Variants in ARL8A observed in about 807,000 individuals in gnomAD.
ARL8A encodes the protein ARF like GTPase 8A.
In ARL8A, 10 loss-of-function variants were observed where a neutral mutation model predicts 31.2. The observed-to-expected ratio is 0.32, with a 90% CI of 0.20 to 0.54. ARL8A has a LOEUF of 0.54. Among genes scored for constraint, ARL8A ranks in the 20% least tolerant of loss-of-function variants. The pLI is 0.93. For synonymous variants in ARL8A, 70 were observed against 86.9 expected, an observed-to-expected ratio of 0.81 and a Z score of 1.08; for missense variants, 129 against 242.8, an observed-to-expected ratio of 0.53 and a Z score of 3.12.
At position 202,138,136 on chromosome 1, in the gene ARL8A, C is replaced by A. The variant is rs956393828; in HGVS notation, c.205-98G>T. The stretch of plus-strand genomic sequence containing the variant: ...CCCTCCTACCCTGCCCTACTCTCCT[C>A]TGCCTCCCCGGCTTCCTCTCCAGTT... On this transcript the variant is annotated intron_variant, in intron 2 of 6. Coordinates refer to ENST00000272217, the MANE Select transcript of ARL8A (RefSeq NM_138795.4). The surrounding 1 kb of genome is among the most constrained non-coding windows in gnomAD (Gnocchi z 4.4). 3.5e-6 allele frequency: 5 copies of A among 1,409,116 alleles called. No individual in the cohort carries two copies. The highest frequency in any genetic ancestry group is 5.0e-6 in the Non-Finnish European group (5 of 1,009,688). 87.3% of individuals were successfully genotyped at this position (1,409,116 alleles called of 1,614,324 possible).
At position 202,135,140 on chromosome 1, in the gene ARL8A, T is replaced by A. The variant is rs775197534; in HGVS notation, c.511+10A>T. 1.2e-6 allele frequency: 2 copies of A among 1,612,380 alleles called. No homozygotes were observed. Among genetic ancestry groups the A allele is most frequent in the South Asian group, 1.1e-5 (1 of 91,026 alleles). On this transcript the variant is annotated intron_variant, in intron 6 of 6. Transcript: ENST00000272217. This position sits in a 1 kb window ranked among gnomAD's most constrained non-coding sequence, Gnocchi z 5.3. ...TCTCCCCTCTCCTCCCTTTCCCCCA[T>A]CCTACGCACCAATGTTGTCCTTTTC...
In ARL8A at chr1:202,135,337, T is replaced by C. The variant is rs1191208567; in HGVS notation, c.441-117A>G. 1 of 1,464,092 alleles carries C rather than the reference T, an allele frequency of 6.8e-7. No homozygotes were observed. The allele number at this position is 1,464,092 out of a possible 1,614,324, so 90.7% of individuals were successfully genotyped here. On this transcript the variant is annotated intron_variant, in intron 5 of 6. Transcript: ENST00000272217. This position sits in a 1 kb window ranked among gnomAD's most constrained non-coding sequence, Gnocchi z 5.3. The stretch of plus-strand genomic sequence containing the variant: ...GCTACAAAGGGGAGGGTGAGGTGCC[T>C]GAAAAGGTCGGCTCTGCTGCCACCG...
Position 202,135,811 on chromosome 1 carries a change from A to T in ARL8A, c.279-11T>A. The stretch of plus-strand genomic sequence containing the variant: ...GCATCCACCATGTACCTGGGGAAAG[A>T]GGCAGGGTGGGGACAAGCATGTTGA... On this transcript the variant is annotated splice_polypyrimidine_tract_variant and intron_variant, in intron 3 of 6. Transcript: ENST00000272217. The surrounding 1 kb of genome is among the most constrained non-coding windows in gnomAD (Gnocchi z 5.3). The T allele has an allele frequency of 6.2e-7, 1 of 1,610,624 alleles. No individual in the cohort carries two copies. The highest frequency in any genetic ancestry group is 8.5e-7 in the Non-Finnish European group (1 of 1,176,824).
rs202180765 is a variant in ARL8A at position 202,138,348 on chromosome 1, C to G, written c.204+20G>C. The G allele has an allele frequency of 5.0e-6, 8 of 1,607,464 alleles. No individual in the cohort carries two copies. The Admixed American group carries it at 8.3e-5, about 17-fold the overall frequency. On this transcript the variant is annotated intron_variant, in intron 2 of 6. Transcript: ENST00000272217. This position sits in a 1 kb window ranked among gnomAD's most constrained non-coding sequence, Gnocchi z 4.4. Reference sequence around the variant, plus strand: ...ACACAAAAACAGTCCTCTGCACCCCCCAAGCTTCTGGGCCCTCACCTTGAT... The same window carrying G: ...ACACAAAAACAGTCCTCTGCACCCCGCAAGCTTCTGGGCCCTCACCTTGAT...
Position 202,135,609 on chromosome 1 carries a change from G to A in ARL8A, c.373-83C>T, listed in dbSNP as rs974353478. The stretch of plus-strand genomic sequence containing the variant: ...GTGGTGAGCTGGCCTCCTGGGTCCC[G>A]TTTCCTCTCTGCGCCCCTACCATGC... On this transcript the variant is annotated intron_variant, in intron 4 of 6. Transcript: ENST00000272217. The surrounding 1 kb of genome is among the most constrained non-coding windows in gnomAD (Gnocchi z 5.3). 1.2e-5 allele frequency: 19 copies of A among 1,578,316 alleles called. No individual in the cohort carries two copies. In the East Asian group the frequency reaches 2.9e-4, roughly 24 times the overall value.
intron 1 of ARL8A, among the ~76,000 whole-genome samples, chr1:202,140,849 T>C (rs191898606): frequency 2.0e-5 from 3 of 152,308 alleles, no homozygotes; most frequent in African/African-American, 7.2e-5. Context: ...CCAGTTCTTG[T>C]TTGTCTCTCA....
In ARL8A at chr1:202,137,594, C is replaced by T. The variant is rs549614565; in HGVS notation, c.278+371G>A. 1.5e-3 allele frequency among the ~76,000 whole-genome samples: 222 copies of T among 150,852 alleles called. 2 individuals carry two copies. Among genetic ancestry groups the T allele is most frequent in the Non-Finnish European group, 2.7e-3 (182 of 67,860 alleles). ...GGTGAGCCGAGATCGCACCATTGCACGCCAGCCTGGGCAACAAGAGCGAAA... is the reference window on the plus strand; with the variant it reads ...GGTGAGCCGAGATCGCACCATTGCATGCCAGCCTGGGCAACAAGAGCGAAA... On this transcript the variant is annotated intron_variant, in intron 3 of 6. Coordinates refer to ENST00000272217, the MANE Select transcript of ARL8A (RefSeq NM_138795.4).
chr1:202,138,314 C>A lies in ARL8A; in HGVS notation c.204+54G>T. 1 of 1,541,900 alleles carries A rather than the reference C, an allele frequency of 6.5e-7. No homozygotes were observed. The highest frequency in any genetic ancestry group is 9.0e-7 in the Non-Finnish European group (1 of 1,115,730). On this transcript the variant is annotated intron_variant, in intron 2 of 6. Coordinates refer to ENST00000272217, the MANE Select transcript of ARL8A (RefSeq NM_138795.4). The surrounding 1 kb of genome is among the most constrained non-coding windows in gnomAD (Gnocchi z 4.4). ...TCCCCAACACACACACACACACACA[C>A]ACACACACACACAAAAACAGTCCTC...
chr1:202,141,938 A>T (rs111812887), intron 1 of ARL8A, among the ~76,000 whole-genome samples: 10,272 of 151,408 alleles, frequency 0.068, 432 homozygotes, highest in East Asian at 0.17. Flanking sequence ...CACGATCTTA[A>T]CTCACTGCAG....
Position 202,138,121 on chromosome 1 carries a change from C to CAAA in ARL8A, c.205-84_205-83insTTT, listed in dbSNP as rs1352538625. ...TGGGTCTCAAATGCCCCCTCCTACC[C>CAAA]TGCCCTACTCTCCTCTGCCTCCCCG... On this transcript the variant is annotated intron_variant, in intron 2 of 6. Transcript: ENST00000272217. The surrounding 1 kb of genome is among the most constrained non-coding windows in gnomAD (Gnocchi z 4.4). 20 of 1,484,254 alleles carry CAAA rather than the reference C, an allele frequency of 1.3e-5. No individual in the cohort carries two copies. In the Admixed American group the frequency reaches 3.1e-4, roughly 23 times the overall value. The allele number at this position is 1,484,254 out of a possible 1,614,324, so 91.9% of individuals were successfully genotyped here.
Position 202,134,276 on chromosome 1 carries a change from G to A in ARL8A, c.*191C>T. The A allele has an allele frequency of 3.5e-6, 2 of 575,120 alleles. No homozygotes were observed. The highest frequency in any genetic ancestry group is 6.2e-6 in the Non-Finnish European group (2 of 322,520). 35.6% of individuals were successfully genotyped at this position (575,120 alleles called of 1,614,324 possible). ...GGGTGAGAAGTTAGGGGACCAGAAT[G>A]GGGGGCAATTTATTTTACAATAAAA... On this transcript the variant is annotated 3_prime_UTR_variant, in exon 7 of 7. Transcript: ENST00000272217. The surrounding 1 kb of genome is among the most constrained non-coding windows in gnomAD (Gnocchi z 4.2).
chr1:202,138,178 C>T lies in ARL8A; in HGVS notation c.205-140G>A, dbSNP rs1341068293. The T allele has an allele frequency of 8.6e-7, 1 of 1,156,424 alleles. No homozygotes were observed. Among genetic ancestry groups the T allele is most frequent in the South Asian group, 1.4e-5 (1 of 73,938 alleles). The allele number at this position is 1,156,424 out of a possible 1,614,324, so 71.6% of individuals were successfully genotyped here. Reference sequence around the variant, plus strand: ...TCTCCAGTTCTCCCCCGTCTCCACCCGCTCTCCGTCTACCTTAGAAGTCTT... The same window carrying T: ...TCTCCAGTTCTCCCCCGTCTCCACCTGCTCTCCGTCTACCTTAGAAGTCTT... On this transcript the variant is annotated intron_variant, in intron 2 of 6. Transcript: ENST00000272217. The surrounding 1 kb of genome is among the most constrained non-coding windows in gnomAD (Gnocchi z 4.4).
At position 202,144,698 on chromosome 1, in the gene ARL8A, G is replaced by A. The variant is rs1288034757; in HGVS notation, c.-126C>T. 5 of 997,642 alleles carry A rather than the reference G, an allele frequency of 5.0e-6. No homozygotes were observed. The African/African-American group carries it at 7.0e-5, about 14-fold the overall frequency. The allele number at this position is 997,642 out of a possible 1,614,324, so 61.8% of individuals were successfully genotyped here. A position where few individuals can be genotyped will look rare whatever the true frequency, so the allele number is the denominator to read the frequency against. On this transcript the variant is annotated 5_prime_UTR_variant, in exon 1 of 7. Transcript: ENST00000272217. This position sits in a 1 kb window ranked among gnomAD's most constrained non-coding sequence, Gnocchi z 5.2. The stretch of plus-strand genomic sequence containing the variant: ...CGCGGCTCGGTGCGGGCGGAGGCTC[G>A]AGCGCGGCTGCCGACGACTCGCTGC...
chr1:202,144,302 C>A lies in ARL8A; in HGVS notation c.123+148G>T, dbSNP rs1327943506. On this transcript the variant is annotated intron_variant, in intron 1 of 6. Coordinates refer to ENST00000272217, the MANE Select transcript of ARL8A (RefSeq NM_138795.4). This position sits in a 1 kb window ranked among gnomAD's most constrained non-coding sequence, Gnocchi z 5.2. ...GGCACGGGCCGTACTAGGCCCCAAG[C>A]GCTCGGGGCCGGCTCCTCCCCCGCC... The A allele has an allele frequency of 1.4e-5, 6 of 434,704 alleles. No individual in the cohort carries two copies. Among genetic ancestry groups the A allele is most frequent in the Non-Finnish European group, 1.8e-5 (6 of 326,232 alleles). 26.9% of individuals were successfully genotyped at this position (434,704 alleles called of 1,614,324 possible).
In ARL8A at chr1:202,144,639, C is replaced by T; in HGVS notation, c.-67G>A. 8.1e-7 allele frequency: 1 copy of T among 1,228,590 alleles called. No individual in the cohort carries two copies. Among genetic ancestry groups the T allele is most frequent in the African/African-American group, 1.6e-5 (1 of 61,816 alleles). 76.1% of individuals were successfully genotyped at this position (1,228,590 alleles called of 1,614,324 possible). Reference sequence around the variant, plus strand: ...CCCCTCGCTGCCCTCGCGCTGCGGCCCGGAGCGGCCCCTCCCCGGTACGGC... The same window carrying T: ...CCCCTCGCTGCCCTCGCGCTGCGGCTCGGAGCGGCCCCTCCCCGGTACGGC... On this transcript the variant is annotated 5_prime_UTR_variant, in exon 1 of 7. Transcript: ENST00000272217. The surrounding 1 kb of genome is among the most constrained non-coding windows in gnomAD (Gnocchi z 5.2).
In ARL8A at chr1:202,138,454, A is replaced by G. The variant is rs1655077386; in HGVS notation, c.124-6T>C. The stretch of plus-strand genomic sequence containing the variant: ...TCCTCGTTGAACTGTCCTGACTGGA[A>G]AGAAGACTCAGAATGGGAAACAGTG... On this transcript the variant is annotated splice_region_variant and splice_polypyrimidine_tract_variant and intron_variant, in intron 1 of 6. Transcript: ENST00000272217. This position sits in a 1 kb window ranked among gnomAD's most constrained non-coding sequence, Gnocchi z 4.4. 6.2e-7 allele frequency: 1 copy of G among 1,613,636 alleles called. No individual in the cohort carries two copies. Among genetic ancestry groups the G allele is most frequent in the Middle Eastern group, 1.7e-4 (1 of 6,058 alleles).
rs1654949312 is a variant in ARL8A at position 202,134,457 on chromosome 1, G to A, written c.*10C>T. Reference sequence around the variant, plus strand: ...GACGGTCCCTGGTCTGAGGGAGAAGGGCTGGAGTCTCAGCTTCTCCGTGAC... The same window carrying A: ...GACGGTCCCTGGTCTGAGGGAGAAGAGCTGGAGTCTCAGCTTCTCCGTGAC... On this transcript the variant is annotated 3_prime_UTR_variant, in exon 7 of 7. Transcript: ENST00000272217. The surrounding 1 kb of genome is among the most constrained non-coding windows in gnomAD (Gnocchi z 4.2). 1 of 1,611,338 alleles carries A rather than the reference G, an allele frequency of 6.2e-7. No homozygotes were observed. Among genetic ancestry groups the A allele is most frequent in the South Asian group, 1.1e-5 (1 of 91,038 alleles).
chr1:202,141,624 T>C (rs1188725180), intron 1 of ARL8A, among the ~76,000 whole-genome samples: 3 of 137,530 alleles, frequency 2.2e-5, no homozygotes, highest in Non-Finnish European at 4.6e-5. Flanking sequence ...GCCTGGGTGA[T>C]AGAGCAACAC....
At position 202,144,535 on chromosome 1, in the gene ARL8A, T is replaced by C. The variant is rs1451263164; in HGVS notation, c.38A>G (p.Lys13Arg). The change falls in exon 1 of 7, where the codon AAG (lysine) becomes AGG (arginine). Residue 13 changes from lysine to arginine, a missense_variant. By Grantham distance (26) the Lys-to-Arg change is conservative. Coordinates refer to ENST00000272217, the MANE Select transcript of ARL8A (RefSeq NM_138795.4). This position sits in a 1 kb window ranked among gnomAD's most constrained non-coding sequence, Gnocchi z 5.2. ...CATCTCCTCCTTCCAGAATAGGGCC[T>C]TGAACCAGTCCAGCAGCTTGTTGAA... ...ALFNKLLDWFKALFWKEEMEL... is the reference protein window; with the variant it reads ...ALFNKLLDWFRALFWKEEMEL... 3 of 1,477,146 alleles carry C rather than the reference T, an allele frequency of 2.0e-6. No homozygotes were observed. The highest frequency in any genetic ancestry group is 2.7e-6 in the Non-Finnish European group (3 of 1,095,628). 91.5% of individuals were successfully genotyped at this position (1,477,146 alleles called of 1,614,324 possible). A position where few individuals can be genotyped will look rare whatever the true frequency, so the allele number is the denominator to read the frequency against.
Sources: allele counts gnomAD v4.1 joint callset (sites outside exome capture counted in the v4.1 genomes callset), GRCh38; gene constraint gnomAD v4.1.1; non-coding constraint Gnocchi (gnomAD v3.1); transcripts MANE v1.5; gene names NCBI Gene and HGNC (gene_info 2026-07-23, HGNC 2026-07-21).